Variants in URB1 observed in about 807,000 individuals in gnomAD.
URB1 encodes the protein nucleolar pre-ribosomal-associated protein 1.
A neutral mutation model predicts 242.3 loss-of-function variants in URB1; 197 were observed. That is an observed-to-expected ratio of 0.81 (90% CI 0.72 to 0.91). The LOEUF (loss-of-function observed/expected upper bound fraction) is 0.91, where lower values mean the gene tolerates loss of function less well. Ranked by LOEUF, URB1 falls within the 40% of genes least tolerant of loss-of-function variation. The pLI is 0.00. For synonymous variants in URB1, 1,153 were observed against 1,201.8 expected (o/e 0.96, Z 0.84); for missense variants, 2,721 against 2,860.5 (o/e 0.95, Z 1.11).
At chr21:32,360,963 T>C (rs1473248270) in intron 13 of URB1, 44 bp downstream of exon 13, 8 of 1,408,886 alleles carry the variant, frequency 5.7e-6, no homozygotes, top group Non-Finnish European at 7.8e-6. Flanking sequence ...TCTGGTTTAT[T>C]GGCAGCAACA....
chr21:32,368,607 G>A lies in URB1; in HGVS notation c.1002-9C>T. ...GTGTCAGGTTTCCGCCTCTGTTAGA[G>A]AAAGACACATGGGGAGAGGTCAGCA... On this transcript the variant is annotated splice_polypyrimidine_tract_variant and intron_variant, in intron 8 of 38. Transcript: ENST00000382751. 1 of 1,547,528 alleles carries A rather than the reference G, an allele frequency of 6.5e-7. No homozygotes were observed. The highest frequency in any genetic ancestry group is 8.7e-7 in the Non-Finnish European group (1 of 1,145,388).
Position 32,360,593 on chromosome 21 carries a change from T to G in URB1, c.1756+414A>C, listed in dbSNP as rs142046735. The stretch of plus-strand genomic sequence containing the variant: ...ATTGTTACTTTTACAAGTTTGAACC[T>G]GACTCAGTGGGGTAAAAGATGAAGT... On this transcript the variant is annotated intron_variant, in intron 13 of 38. Coordinates refer to ENST00000382751, the MANE Select transcript of URB1 (RefSeq NM_014825.3). Among the ~76,000 whole-genome samples the G allele has an allele frequency of 2.0e-3, 310 of 152,368 alleles. 1 individual carries two copies. In the East Asian group the frequency reaches 0.021, roughly 11 times the overall value.
intron 12 of URB1, 66 bp from the exon 13 acceptor site, chr21:32,361,189 AAG>A (rs2033283019): frequency 1.1e-6 from 1 of 883,314 alleles, no homozygotes; most frequent in Non-Finnish European, 1.7e-6. Flanking sequence ...GAAAGAAAGA[AAG>A]AAAGAAAGAA....
intron 1 of URB1, among the ~76,000 whole-genome samples, chr21:32,391,683 C>G (rs2033640288): frequency 6.6e-6 from 1 of 151,986 alleles, no homozygotes; most frequent in East Asian, 1.9e-4. Flanking sequence ...TATCATCTTC[C>G]TAGCTGTGAC....
In URB1 at chr21:32,347,332, G is replaced by A; in HGVS notation, c.3492C>T (p.Ser1164=). 2 of 1,551,312 alleles carry A rather than the reference G, an allele frequency of 1.3e-6. No homozygotes were observed. The highest frequency in any genetic ancestry group is 1.7e-6 in the Non-Finnish European group (2 of 1,146,998). The change falls in exon 22 of 39, where the codon AGC becomes AGT. Residue 1164 remains serine (S), a synonymous_variant. Transcript: ENST00000382751. ...GKTLVQLLTC[S]PQDQLQSGEL... The stretch of plus-strand genomic sequence containing the variant: ...CACCACTCTGCAGCTGATCCTGGGG[G>A]CTGCAGGTCAGCAGCTGCACCAGGG...
At chr21:32,352,628 T>G (rs994265717) in intron 19 of URB1, 82 bp downstream of exon 19, 1 of 1,510,624 alleles carries the variant, frequency 6.6e-7, no homozygotes, top group Non-Finnish European at 8.9e-7. Context: ...GCTACCCAAC[T>G]GCACAGCTGT....
Position 32,353,987 on chromosome 21 carries a change from G to A in URB1, c.2362C>T (p.Pro788Ser). Residue 788 changes from proline (P) to serine (S), a missense_variant, in exon 18 of 39, where the codon CCT becomes TCT. Pro to Ser is a moderately conservative substitution (Grantham distance 74). Transcript: ENST00000382751. Reference sequence around the variant, plus strand: ...TTATTCCTGGCTTCCAGGGCCGCAGGGACTACCGCACTGAATGGGAACGTG... The same window carrying A: ...TTATTCCTGGCTTCCAGGGCCGCAGAGACTACCGCACTGAATGGGAACGTG... ...LLTFPFSAVV[P>S]AALEARNKLL... The A allele has an allele frequency of 6.4e-7, 1 of 1,551,748 alleles. No homozygotes were observed. The highest frequency in any genetic ancestry group is 8.7e-7 in the Non-Finnish European group (1 of 1,147,016).
In URB1 at chr21:32,341,527, A is replaced by G. The variant is rs1012283123; in HGVS notation, c.4258-3T>C. ...GGATCAACTTCATTAAGTGCATGCT[A>G]TGAATAAAATAAGTAAGAAAAACAC... On this transcript the variant is annotated splice_region_variant and splice_polypyrimidine_tract_variant and intron_variant, in intron 24 of 38. Transcript: ENST00000382751. The G allele has an allele frequency of 3.0e-5, 46 of 1,551,172 alleles. No homozygotes were observed. Among genetic ancestry groups the G allele is most frequent in the Middle Eastern group, 1.7e-4 (1 of 6,012 alleles).
In URB1 at chr21:32,392,872, G is replaced by A. The variant is rs776730007; in HGVS notation, c.39C>T (p.Asp13=). Residue 13 remains aspartate, a synonymous_variant, in exon 1 of 39, where the codon GAC becomes GAT. Coordinates refer to ENST00000382751, the MANE Select transcript of URB1 (RefSeq NM_014825.3). ...CTGCACCCGCGGAGGAAGCCGCGCCGTCCTGGCCGCCCGAGGCCTTCCTCT... is the reference window on the plus strand; with the variant it reads ...CTGCACCCGCGGAGGAAGCCGCGCCATCCTGGCCGCCCGAGGCCTTCCTCT... ...VPKRKASGGQ[D]GAASSAGAAK... 6 of 1,531,938 alleles carry A rather than the reference G, an allele frequency of 3.9e-6. No individual in the cohort carries two copies. Among genetic ancestry groups the A allele is most frequent in the Non-Finnish European group, 5.2e-6 (6 of 1,144,652 alleles). 94.9% of individuals were successfully genotyped at this position (1,531,938 alleles called of 1,614,324 possible). A position where few individuals can be genotyped will look rare whatever the true frequency, so the allele number is the denominator to read the frequency against.
At chr21:32,345,865 G>T (rs1354599049) in intron 22 of URB1, among the ~76,000 whole-genome samples, 1 of 152,166 alleles carries the variant, frequency 6.6e-6, no homozygotes, top group East Asian at 1.9e-4. Flanking sequence ...ATGAGACCAT[G>T]AGTGCCAAGG....
At chr21:32,356,496 G>A (rs1461264066) in intron 15 of URB1, among the ~76,000 whole-genome samples, 2 of 152,134 alleles carry the variant, frequency 1.3e-5, no homozygotes, top group East Asian at 3.9e-4. Flanking sequence ...CTACTTAGGA[G>A]CCAAAGACCT....
At chr21:32,343,652 C>T (rs985876416) in intron 24 of URB1, among the ~76,000 whole-genome samples, 1 of 151,992 alleles carries the variant, frequency 6.6e-6, no homozygotes, top group Non-Finnish European at 1.5e-5. Flanking sequence ...GTAAACTTAC[C>T]TCAATTAAAA....
intron 17 of URB1, 55 bp from the exon 18 acceptor site, chr21:32,354,158 T>C: frequency 6.5e-7 from 1 of 1,535,136 alleles, no homozygotes; most frequent in Admixed American, 2.0e-5. Context: ...AGGGTTTCAC[T>C]GCAAATACCC....
intron 21 of URB1, among the ~76,000 whole-genome samples, chr21:32,348,848 C>T (rs1023567463): frequency 6.6e-6 from 1 of 152,256 alleles, no homozygotes; most frequent in African/African-American, 2.4e-5. Context: ...CTCCTGAACC[C>T]GGTAAAACAG....
chr21:32,372,504 T>C lies in URB1; in HGVS notation c.1001+3A>G, dbSNP rs2033416813. ...TGGGGTCCACAAGAGTGTTATACTT[T>C]ACCTGCCAAAGGTACCCAAAGATGC... On this transcript the variant is annotated splice_donor_region_variant and intron_variant, in intron 8 of 38. Transcript: ENST00000382751. 1 of 1,551,066 alleles carries C rather than the reference T, an allele frequency of 6.4e-7. No homozygotes were observed. Among genetic ancestry groups the C allele is most frequent in the Non-Finnish European group, 8.7e-7 (1 of 1,146,938 alleles).
At chr21:32,344,118 G>A (rs2033059221) in intron 24 of URB1, among the ~76,000 whole-genome samples, 1 of 151,996 alleles carries the variant, frequency 6.6e-6, no homozygotes, top group Non-Finnish European at 1.5e-5. Flanking sequence ...AGACATTGCA[G>A]GAAAATAAAA....
At chr21:32,333,183 G>C (rs948461182) in intron 30 of URB1, 134 bp downstream of exon 30, 1 of 777,822 alleles carries the variant, frequency 1.3e-6, no homozygotes, top group African/African-American at 1.7e-5. Context: ...GATGAGGATG[G>C]CTGAAGATCC....
chr21:32,352,173 G>A (rs2033165596), intron 19 of URB1, among the ~76,000 whole-genome samples: 1 of 152,090 alleles, frequency 6.6e-6, no homozygotes, highest in African/African-American at 2.4e-5. Flanking sequence ...CACAAATTTC[G>A]TGCCCCACAC....
chr21:32,311,847 C>T lies in URB1; in HGVS notation c.*3071G>A, dbSNP rs758718535. On this transcript the variant is annotated 3_prime_UTR_variant, in exon 39 of 39. Coordinates refer to ENST00000382751, the MANE Select transcript of URB1 (RefSeq NM_014825.3). ...CAGAACTGGCCCTGACCAGCCGCTA[C>T]GACAGGAGAGCTCCTCCACCTTGCC... 38 of 1,614,030 alleles carry T rather than the reference C, an allele frequency of 2.4e-5. No individual in the cohort carries two copies. The highest frequency in any genetic ancestry group is 4.4e-5 in the South Asian group (4 of 91,090).
Sources: allele counts gnomAD v4.1 joint callset (sites outside exome capture counted in the v4.1 genomes callset), GRCh38; gene constraint gnomAD v4.1.1; transcripts MANE v1.5; gene names NCBI Gene and HGNC (gene_info 2026-07-23, HGNC 2026-07-21).